Variants in GIGYF2 observed in about 807,000 individuals in gnomAD.
GIGYF2 encodes the protein GRB10-interacting GYF protein 2.
Under a neutral mutation model 208.1 loss-of-function variants are expected in GIGYF2, and 25 were observed. The ratio of observed to expected loss-of-function variants is 0.12; its 90% CI spans 0.09 to 0.17. The LOEUF (loss-of-function observed/expected upper bound fraction) is 0.17. GIGYF2 is among the 10% of genes least tolerant of loss of function. The pLI, the probability that GIGYF2 is intolerant of heterozygous loss-of-function variation, is 1.00. For synonymous variants in GIGYF2, 534 were observed against 543.8 expected, an observed-to-expected ratio of 0.98 and a Z score of 0.25; for missense variants, 1,302 against 1,579.4, an observed-to-expected ratio of 0.82 and a Z score of 2.98.
intron 8 of GIGYF2, among the ~76,000 whole-genome samples, chr2:232,784,160 T>G (rs2106356723): frequency 6.6e-6 from 1 of 152,232 alleles, no homozygotes; most frequent in East Asian, 1.9e-4. Flanking sequence ...GGGCAACAGT[T>G]GGAAATAAGT....
chr2:232,790,824 A>G lies in GIGYF2; in HGVS notation c.839A>G (p.Asp280Gly). Residue 280 changes from aspartate (D) to glycine (G), a missense_variant, in exon 10 of 29, where the codon GAT becomes GGT. By Grantham distance (94) the Asp-to-Gly change is moderately conservative. Transcript: ENST00000373563. ...RVRSGSGSIDDDRDSLPEWCL... is the reference protein window; with the variant it reads ...RVRSGSGSIDGDRDSLPEWCL... ...CGCTCTGGCAGTGGGAGCATAGATG[A>G]TGACAGGGATAGCTTGCCCGAATGG... is the stretch of plus-strand genomic sequence containing the variant. 1.9e-6 allele frequency: 3 copies of G among 1,614,148 alleles called. No individual in the cohort carries two copies. The highest frequency in any genetic ancestry group is 2.5e-6 in the Non-Finnish European group (3 of 1,179,982).
At chr2:232,704,948 C>T (rs971779068) in intron 2 of GIGYF2, among the ~76,000 whole-genome samples, 27 of 150,010 alleles carry the variant, frequency 1.8e-4, no homozygotes, top group African/African-American at 6.4e-4. Flanking sequence ...CAAGCTCCGC[C>T]TCCCGGGTTC....
intron 6 of GIGYF2, 90 bp from the exon 7 acceptor site, chr2:232,760,389 GA>G (rs1698703497): frequency 1.2e-6 from 1 of 837,176 alleles, no homozygotes; most frequent in Non-Finnish European, 2.0e-6. Context: ...GCCTTGTATA[GA>G]GATAGAACTT....
At chr2:232,704,961 G>A (rs910454059) in intron 2 of GIGYF2, among the ~76,000 whole-genome samples, 4 of 143,456 alleles carry the variant, frequency 2.8e-5, no homozygotes, top group East Asian at 2.2e-4. Flanking sequence ...CCGGGTTCAC[G>A]CAATTCTCCT....
intron 2 of GIGYF2, among the ~76,000 whole-genome samples, chr2:232,711,130 C>A (rs1316817550): frequency 2.0e-5 from 3 of 148,586 alleles, no homozygotes; most frequent in Non-Finnish European, 3.0e-5. Context: ...AAGACAGTGT[C>A]TTGGTCAGTC....
chr2:232,791,398 A>G lies in GIGYF2; in HGVS notation c.1234A>G (p.Thr412Ala). The G allele has an allele frequency of 6.2e-7, 1 of 1,613,996 alleles. No individual in the cohort carries two copies. Among genetic ancestry groups the G allele is most frequent in the African/African-American group, 1.3e-5 (1 of 74,992 alleles). ...GCAAACGGAAAAAGCTGAAGAGGAG[A>G]CTCGGATGGAAAATAGTCTACCAGC... ...TEQTEKAEEE[T>A]RMENSLPAKV... Residue 412 changes from threonine (T) to alanine (A), a missense_variant, in exon 12 of 29, where the codon ACT (threonine) becomes GCT (alanine). This residue lies in a region of GIGYF2 where 235 missense variants were observed against 218.8 expected (regional missense o/e 1.07). Transcript: ENST00000373563.
intron 8 of GIGYF2, among the ~76,000 whole-genome samples, chr2:232,771,735 T>G (rs2106340413): frequency 6.6e-6 from 1 of 152,320 alleles, no homozygotes; most frequent in East Asian, 1.9e-4. Context: ...GACCAAATAT[T>G]GTGTATAAAG....
At chr2:232,712,707 G>A (rs1202529212) in intron 2 of GIGYF2, among the ~76,000 whole-genome samples, 1 of 152,186 alleles carries the variant, frequency 6.6e-6, no homozygotes. Flanking sequence ...CATCATGGAT[G>A]CCCTGAAAGA....
intron 22 of GIGYF2, among the ~76,000 whole-genome samples, chr2:232,839,375 T>C (rs1701748186): frequency 6.6e-6 from 1 of 152,214 alleles, no homozygotes; most frequent in Admixed American, 6.5e-5. Context: ...TCAAGAACTA[T>C]GCCAGCATCT....
At chr2:232,815,557 CT>C in intron 18 of GIGYF2, 79 bp from the exon 19 acceptor site, 1 of 836,726 alleles carries the variant, frequency 1.2e-6, no homozygotes, top group Non-Finnish European at 2.1e-6. Flanking sequence ...AGGGAAGCAG[CT>C]TTTTTCATGA....
At position 232,724,207 on chromosome 2, in the gene GIGYF2, ATTTTTTTTT is replaced by A. The variant is rs1163865821; in HGVS notation, c.-43-10934_-43-10926del. 1.7e-4 allele frequency among the ~76,000 whole-genome samples: 19 copies of A among 114,190 alleles called. No homozygotes were observed. The South Asian group carries it at 5.0e-3, about 30-fold the overall frequency. The allele number at this position is 114,190 out of a possible 152,430, so 74.9% of individuals were successfully genotyped here. Reference sequence around the variant, plus strand: ...CAGGCGCCCGCTGCCACACCTGGCTATTTTTTTTTTTTTTTTTTTTTTGTATTTTTAGTA... The same window carrying A: ...CAGGCGCCCGCTGCCACACCTGGCTATTTTTTTTTTTTTGTATTTTTAGTA... On this transcript the variant is annotated intron_variant, in intron 2 of 28. Coordinates refer to ENST00000373563, the MANE Select transcript of GIGYF2 (RefSeq NM_001103146.3).
chr2:232,791,343 G>GT lies in GIGYF2; in HGVS notation c.1182dup (p.Glu395Ter), dbSNP rs1700064390. On this transcript the variant is annotated frameshift_variant, in exon 12 of 29. Coordinates refer to ENST00000373563, the MANE Select transcript of GIGYF2 (RefSeq NM_001103146.3). LOFTEE classifies it high-confidence loss of function. ...ACCATCAGTCTCAGGAAGCATCACA[G>GT]TTTGAGAGGAAAGATGAACCAAAAA... The GT allele has an allele frequency of 6.2e-7, 1 of 1,613,960 alleles. No homozygotes were observed. Among genetic ancestry groups the GT allele is most frequent in the African/African-American group, 1.3e-5 (1 of 74,908 alleles).
intron 2 of GIGYF2, among the ~76,000 whole-genome samples, chr2:232,719,966 TG>T (rs1445663973): frequency 6.6e-6 from 1 of 152,342 alleles, no homozygotes; most frequent in East Asian, 1.9e-4. Flanking sequence ...CGTGCAGTTT[TG>T]TTACATAGTT....
chr2:232,771,090 G>A, intron 8 of GIGYF2: 7 of 1,613,946 alleles, frequency 4.3e-6, no homozygotes, highest in Non-Finnish European at 5.9e-6. Context: ...TTTCAGGTGG[G>A]GCATCATGAT....
rs1273348369 is a variant in GIGYF2, at chr2:232,858,406, A to G, written c.*1546A>G. 1.3e-5 allele frequency: 6 copies of G among 444,788 alleles called. No homozygotes were observed. Among genetic ancestry groups the G allele is most frequent in the Non-Finnish European group, 2.2e-5 (5 of 224,264 alleles). The allele number at this position is 444,788 out of a possible 1,614,324, so 27.6% of individuals were successfully genotyped here. Reference sequence around the variant, plus strand: ...CTAAACATGTGTAATAACTATACAGAGACTGCTACAAAATTGTATATAGTT... The same window carrying G: ...CTAAACATGTGTAATAACTATACAGGGACTGCTACAAAATTGTATATAGTT... On this transcript the variant is annotated 3_prime_UTR_variant, in exon 29 of 29. Coordinates refer to ENST00000373563, the MANE Select transcript of GIGYF2 (RefSeq NM_001103146.3).
chr2:232,826,582 C>T (rs1274525194), intron 21 of GIGYF2, among the ~76,000 whole-genome samples: 1 of 152,150 alleles, frequency 6.6e-6, no homozygotes, highest in Non-Finnish European at 1.5e-5. Context: ...AAACTATCAT[C>T]AGAGTGAACA....
At chr2:232,842,078 G>C (rs1461623960) in intron 23 of GIGYF2, among the ~76,000 whole-genome samples, 1 of 151,990 alleles carries the variant, frequency 6.6e-6, no homozygotes, top group Admixed American at 6.6e-5. Context: ...GAGCTCAAGC[G>C]ATCTTCCCAC....
chr2:232,707,138 T>C (rs1696154019), intron 2 of GIGYF2, among the ~76,000 whole-genome samples: 1 of 152,140 alleles, frequency 6.6e-6, no homozygotes, highest in Non-Finnish European at 1.5e-5. Flanking sequence ...GAGAAATGTT[T>C]ATATTGTTCA....
chr2:232,735,075 A>C, intron 2 of GIGYF2, 80 bp from the exon 3 acceptor site: 1 of 702,898 alleles, frequency 1.4e-6, no homozygotes. Context: ...TAAATAAAAC[A>C]CTCTCTAACT....
Sources: allele counts gnomAD v4.1 joint callset (sites outside exome capture counted in the v4.1 genomes callset), GRCh38; gene constraint gnomAD v4.1.1; regional missense constraint gnomAD v4.1.1; transcripts MANE v1.5; gene names NCBI Gene and HGNC (gene_info 2026-07-23, HGNC 2026-07-21).